Variants in KYAT3 observed in about 807,000 individuals in gnomAD.
The protein encoded by KYAT3 is kynurenine--oxoglutarate transaminase 3.
A neutral mutation model predicts 59.0 loss-of-function variants in KYAT3; 50 were observed. The observed-to-expected ratio is 0.85, with a 90% confidence interval of 0.68 to 1.07. The LOEUF is 1.07. KYAT3 is among the 50% of genes least tolerant of loss of function. The pLI is 0.00. For synonymous variants in KYAT3, 148 were observed against 177.0 expected, an observed-to-expected ratio of 0.84 and a Z score of 1.30; for missense variants, 497 against 533.3, an observed-to-expected ratio of 0.93 and a Z score of 0.67.
intron 2 of KYAT3, chr1:88,981,230 C>T (rs1232917577): frequency 6.6e-6 from 1 of 152,204 alleles, no homozygotes; most frequent in Non-Finnish European, 1.5e-5. Flanking sequence ...TATTCTACAA[C>T]TAAACTGTTT....
chr1:88,971,733 C>T (rs1346426665), intron 2 of KYAT3, among the ~76,000 whole-genome samples: 1 of 152,174 alleles, frequency 6.6e-6, no homozygotes, highest in East Asian at 1.9e-4. Flanking sequence ...TTGCACTTGG[C>T]TAACTCCTAT....
chr1:88,956,868 C>T (rs1297472005), intron 8 of KYAT3, among the ~76,000 whole-genome samples: 1 of 152,186 alleles, frequency 6.6e-6, no homozygotes, highest in Non-Finnish European at 1.5e-5. Context: ...TTGTGGATTC[C>T]TCAAGTAATT....
chr1:88,988,459 T>A (rs1313463939), intron 1 of KYAT3, 108 bp from the exon 2 acceptor site: 2 of 586,618 alleles, frequency 3.4e-6, no homozygotes, highest in East Asian at 6.0e-5. Context: ...AAAATCCAAG[T>A]AAACATTTTT....
rs937488573 is a variant in KYAT3, at chr1:88,961,982, C to A, written c.540+77G>T. On this transcript the variant is annotated intron_variant, in intron 6 of 13. Coordinates refer to ENST00000260508, the MANE Select transcript of KYAT3 (RefSeq NM_001008661.3). ...AATGCAATCAAAGTAGAAACTTTAT[C>A]ATGACAAAGTAATTGGTATTTTCAA... 21 of 988,930 alleles carry A rather than the reference C, an allele frequency of 2.1e-5. No homozygotes were observed. In the East Asian group the frequency reaches 5.1e-4, roughly 24 times the overall value. 61.3% of individuals were successfully genotyped at this position (988,930 alleles called of 1,614,324 possible).
chr1:88,937,700 G>A (rs948592011), intron 13 of KYAT3, among the ~76,000 whole-genome samples: 2 of 152,120 alleles, frequency 1.3e-5, no homozygotes, highest in African/African-American at 4.8e-5. Flanking sequence ...AACATCACTG[G>A]TAATAGGAAT....
chr1:88,985,891 G>A (rs1677421472), intron 2 of KYAT3, among the ~76,000 whole-genome samples: 1 of 152,166 alleles, frequency 6.6e-6, no homozygotes. Flanking sequence ...CATCAAAAGA[G>A]AGGGTTGGGC....
Position 88,935,966 on chromosome 1 carries a change from T to C in KYAT3, c.*217A>G. On this transcript the variant is annotated 3_prime_UTR_variant, in exon 14 of 14. Transcript: ENST00000260508. ...CTATGTTATGCTGACTCTTATAAAATGATTGTGGAAGGTGTGTTAATACAT... is the reference window on the plus strand; with the variant it reads ...CTATGTTATGCTGACTCTTATAAAACGATTGTGGAAGGTGTGTTAATACAT... 1 of 472,514 alleles carries C rather than the reference T, an allele frequency of 2.1e-6. No homozygotes were observed. Among genetic ancestry groups the C allele is most frequent in the Non-Finnish European group, 3.8e-6 (1 of 263,056 alleles). 29.3% of individuals were successfully genotyped at this position (472,514 alleles called of 1,614,324 possible).
the KYAT3 span, among the ~76,000 whole-genome samples, chr1:88,925,525 C>T: frequency 1.3e-5 from 2 of 152,172 alleles, no homozygotes; most frequent in Admixed American, 1.3e-4. Context: ...GAGTCTTATC[C>T]CTGGTGTCCC....
intron 8 of KYAT3, among the ~76,000 whole-genome samples, chr1:88,957,451 A>G (rs1675964327): frequency 6.6e-6 from 1 of 152,206 alleles, no homozygotes; most frequent in Non-Finnish European, 1.5e-5. Context: ...CTACTGTTGC[A>G]CTTTGCAAAT....
At position 88,968,702 on chromosome 1, in the gene KYAT3, T is replaced by A; in HGVS notation, c.271A>T (p.Ile91Phe). 6.3e-7 allele frequency: 1 copy of A among 1,594,628 alleles called. No individual in the cohort carries two copies. The highest frequency in any genetic ancestry group is 8.5e-7 in the Non-Finnish European group (1 of 1,174,864). ...CGTGTATACTGATTCAGGCTATCGA[T>A]TGCTGCAATCTTTGATAATTCTTCT... ...VKEELSKIAA[I>F]DSLNQYTRGF... The change falls in exon 4 of 14, where the codon ATC (isoleucine) becomes TTC (phenylalanine). Residue 91 changes from isoleucine to phenylalanine, a missense_variant. Physicochemically the swap from Ile to Phe is conservative, Grantham distance 21. Transcript: ENST00000260508.
chr1:88,935,123 A>G (rs1431999063), downstream of KYAT3, among the ~76,000 whole-genome samples: 2 of 149,132 alleles, frequency 1.3e-5, no homozygotes, highest in Admixed American at 1.4e-4. Flanking sequence ...CCTCCCAAGT[A>G]GCTGGGATTA....
intron 2 of KYAT3, among the ~76,000 whole-genome samples, chr1:88,987,464 A>G (rs1174090225): frequency 1.3e-5 from 2 of 152,232 alleles, no homozygotes; most frequent in African/African-American, 4.8e-5. Context: ...AAACCAGTTG[A>G]GAGATTAGAA....
At position 88,986,048 on chromosome 1, in the gene KYAT3, G is replaced by A. The variant is rs568057678; in HGVS notation, c.99+2204C>T. Among the ~76,000 whole-genome samples, 5 of 152,198 alleles carry A rather than the reference G, an allele frequency of 3.3e-5. No homozygotes were observed. The South Asian group carries it at 8.3e-4, about 25-fold the overall frequency. On this transcript the variant is annotated intron_variant, in intron 2 of 13. Transcript: ENST00000260508. ...ATACAAATATTGGCCGGGAGTGGTGGCGGGCACCTATAGTCCCAGCTACTC... is the reference window on the plus strand; with the variant it reads ...ATACAAATATTGGCCGGGAGTGGTGACGGGCACCTATAGTCCCAGCTACTC...
At chr1:88,966,260 A>G (rs1262487419) in intron 4 of KYAT3, among the ~76,000 whole-genome samples, 1 of 152,136 alleles carries the variant, frequency 6.6e-6, no homozygotes, top group Non-Finnish European at 1.5e-5. Flanking sequence ...TTATTTACAA[A>G]ATTTGACATA....
chr1:88,969,575 A>G (rs1676471430), intron 2 of KYAT3, 108 bp from the exon 3 acceptor site: 1 of 640,770 alleles, frequency 1.6e-6, no homozygotes, highest in Admixed American at 3.0e-5. Flanking sequence ...TGTAAATAGT[A>G]GTTCCATAAA....
At chr1:88,984,677 T>G (rs969957374) in intron 2 of KYAT3, among the ~76,000 whole-genome samples, 2 of 152,174 alleles carry the variant, frequency 1.3e-5, no homozygotes, top group Non-Finnish European at 2.9e-5. Context: ...GGGAAAAAAT[T>G]GTACTTCAAT....
chr1:88,989,334 T>C (rs893660123), intron 1 of KYAT3, among the ~76,000 whole-genome samples: 1 of 152,192 alleles, frequency 6.6e-6, no homozygotes, highest in African/African-American at 2.4e-5. Context: ...CCTATTAATG[T>C]GATTCACCAC....
Position 88,964,823 on chromosome 1 carries a change from AC to A in KYAT3, c.453+5del, listed in dbSNP as rs1557694152. The A allele has an allele frequency of 1.4e-5, 22 of 1,582,510 alleles. No homozygotes were observed. In the East Asian group the frequency reaches 4.5e-4, roughly 32 times the overall value. ...ATGGGTATTACGATAATGTTAATATACTTACTTCATCTCCCTCATCAATTAA... is the reference window on the plus strand; with the variant it reads ...ATGGGTATTACGATAATGTTAATATATTACTTCATCTCCCTCATCAATTAA... On this transcript the variant is annotated splice_donor_5th_base_variant and intron_variant, in intron 5 of 13. Coordinates refer to ENST00000260508, the MANE Select transcript of KYAT3 (RefSeq NM_001008661.3).
intron 2 of KYAT3, among the ~76,000 whole-genome samples, chr1:88,975,527 T>A (rs1432330504): frequency 6.6e-6 from 1 of 152,198 alleles, no homozygotes; most frequent in Non-Finnish European, 1.5e-5. Context: ...AAGTTTCACG[T>A]GGAAGGTGAG....
Sources: allele counts gnomAD v4.1 joint callset (sites outside exome capture counted in the v4.1 genomes callset), GRCh38; gene constraint gnomAD v4.1.1; transcripts MANE v1.5; gene names NCBI Gene and HGNC (gene_info 2026-07-23, HGNC 2026-07-21).